Variants in CREB5 observed in about 807,000 individuals in gnomAD.
CREB5 encodes cyclic AMP-responsive element-binding protein 5.
CREB5 carries 19 observed loss-of-function variants against 57.1 expected under a neutral mutation model. That is an observed-to-expected ratio of 0.33 (90% CI 0.23 to 0.49). CREB5 has a LOEUF of 0.49. Among genes scored for constraint, CREB5 ranks in the 20% least tolerant of loss-of-function variants. The probability of loss-of-function intolerance (pLI) is 0.99; values close to 1 mark genes in which losing one functional copy is unlikely to be tolerated. For synonymous variants in CREB5, 238 were observed against 238.3 expected (o/e 1.00, Z 0.01); for missense variants, 579 against 671.6 (o/e 0.86, Z 1.52).
chr7:28,355,751 C>T (rs1349782005), intron 1 of CREB5, among the ~76,000 whole-genome samples: 2 of 152,138 alleles, frequency 1.3e-5, no homozygotes, highest in African/African-American at 2.4e-5. Flanking sequence ...GACTACCTGC[C>T]GCATTTTTAT....
At chr7:28,814,320 G>A (rs1189156754) in intron 9 of CREB5, among the ~76,000 whole-genome samples, 2 of 152,168 alleles carry the variant, frequency 1.3e-5, no homozygotes, top group Non-Finnish European at 2.9e-5. Flanking sequence ...TCTTTCTCTA[G>A]GATAGTGATT....
chr7:28,389,415 C>T (rs867365235), intron 1 of CREB5, among the ~76,000 whole-genome samples: 1 of 152,102 alleles, frequency 6.6e-6, no homozygotes, highest in African/African-American at 2.4e-5. Flanking sequence ...CACACTAATC[C>T]AGGGCTACTG....
intron 7 of CREB5, among the ~76,000 whole-genome samples, chr7:28,790,815 C>T (rs1238896114): frequency 2.6e-5 from 4 of 152,204 alleles, no homozygotes; most frequent in African/African-American, 9.7e-5. Flanking sequence ...TGATGCTGTT[C>T]GTATTAAGTC....
chr7:28,444,063 G>T (rs917544167), intron 1 of CREB5, among the ~76,000 whole-genome samples: 4 of 152,180 alleles, frequency 2.6e-5, no homozygotes, highest in African/African-American at 9.7e-5. Context: ...AATTAATTTG[G>T]TGTCTTTACA....
chr7:28,686,135 T>A, intron 5 of CREB5: 5 of 1,613,606 alleles, frequency 3.1e-6, no homozygotes, highest in Non-Finnish European at 4.2e-6. Flanking sequence ...CTACACACAC[T>A]CATTCCAGAG....
chr7:28,514,784 A>C (rs1367861216), intron 4 of CREB5, among the ~76,000 whole-genome samples: 1 of 152,198 alleles, frequency 6.6e-6, no homozygotes, highest in African/African-American at 2.4e-5. Context: ...GAACTGGCCC[A>C]AGGTTTTCAG....
intron 5 of CREB5, among the ~76,000 whole-genome samples, chr7:28,577,421 A>G (rs2128654050): frequency 6.6e-6 from 1 of 152,370 alleles, no homozygotes; most frequent in Non-Finnish European, 1.5e-5. Flanking sequence ...ATATGAAGTC[A>G]GAGACACTTG....
chr7:28,311,943 G>T (rs1785286834), intron 1 of CREB5, among the ~76,000 whole-genome samples: 1 of 152,166 alleles, frequency 6.6e-6, no homozygotes, highest in South Asian at 2.1e-4. Flanking sequence ...ACTTCTCAGA[G>T]GTTTGGGCTG....
At chr7:28,762,377 T>C (rs766164514) in intron 7 of CREB5, among the ~76,000 whole-genome samples, 2 of 152,206 alleles carry the variant, frequency 1.3e-5, no homozygotes, top group Admixed American at 6.5e-5. Flanking sequence ...ATATTGTGCT[T>C]GGTGGTTTGG....
At chr7:28,521,580 G>A (rs1793209783) in intron 4 of CREB5, among the ~76,000 whole-genome samples, 1 of 152,180 alleles carries the variant, frequency 6.6e-6, no homozygotes, top group African/African-American at 2.4e-5. Context: ...ATAATTGCAT[G>A]ATTTATTGTT....
rs370073723 is a variant in CREB5 at position 28,675,405 on chromosome 7, C to T, written c.465-43348C>T. ...GTCCTGGTGTTTCAGAGCCCACCTT[C>T]AGAACTTATGACTTTGGTTTTCCCT... On this transcript the variant is annotated intron_variant, in intron 5 of 10. Transcript: ENST00000357727. 8.5e-5 allele frequency among the ~76,000 whole-genome samples: 13 copies of T among 152,266 alleles called. 1 individual carries two copies. Among genetic ancestry groups the T allele is most frequent in the African/African-American group, 2.9e-4 (12 of 41,556 alleles).
intron 6 of CREB5, among the ~76,000 whole-genome samples, chr7:28,719,196 G>A (rs777847327): frequency 2.0e-5 from 3 of 152,236 alleles, no homozygotes; most frequent in Non-Finnish European, 4.4e-5. Flanking sequence ...AGTTTGGGCT[G>A]TATACAGAGT....
chr7:28,604,690 T>C (rs1797044534), intron 5 of CREB5, among the ~76,000 whole-genome samples: 1 of 151,916 alleles, frequency 6.6e-6, no homozygotes, highest in Non-Finnish European at 1.5e-5. Context: ...TTCTTCTTGA[T>C]GTATATCATG....
intron 1 of CREB5, among the ~76,000 whole-genome samples, chr7:28,301,311 A>G (rs1785095249): frequency 6.6e-6 from 1 of 152,208 alleles, no homozygotes; most frequent in African/African-American, 2.4e-5. Flanking sequence ...GTGTGGGAGC[A>G]AACTTTAGTG....
At chr7:28,364,666 C>T (rs1024870509) in intron 1 of CREB5, among the ~76,000 whole-genome samples, 40 of 152,180 alleles carry the variant, frequency 2.6e-4, no homozygotes, top group African/African-American at 8.7e-4. Flanking sequence ...TCAGGCTCCT[C>T]TCTGAACTGA....
chr7:28,437,770 T>A (rs1789019209), intron 1 of CREB5, among the ~76,000 whole-genome samples: 1 of 152,182 alleles, frequency 6.6e-6, no homozygotes. Context: ...ATGATCCAGT[T>A]AACTATAAAC....
intron 4 of CREB5, among the ~76,000 whole-genome samples, chr7:28,529,640 C>T (rs1003046346): frequency 2.0e-5 from 3 of 152,172 alleles, no homozygotes; most frequent in African/African-American, 7.2e-5. Context: ...CTCTCTTCTT[C>T]CCAACCTGAT....
intron 5 of CREB5, among the ~76,000 whole-genome samples, chr7:28,709,511 C>T (rs1476124731): frequency 1.3e-5 from 2 of 152,100 alleles, no homozygotes; most frequent in African/African-American, 4.8e-5. Flanking sequence ...GATCTCCCCT[C>T]CTATTACTGC....
At chr7:28,649,038 T>C (rs549519980) in intron 5 of CREB5, among the ~76,000 whole-genome samples, 2 of 152,262 alleles carry the variant, frequency 1.3e-5, no homozygotes, top group South Asian at 4.1e-4. Flanking sequence ...GGACTGGTTT[T>C]CGTAGGTGTG....
Sources: gnomAD v4.1 joint callset for allele counts (sites outside exome capture counted in the v4.1 genomes callset) on GRCh38, gnomAD v4.1.1 for gene constraint, MANE v1.5 for transcripts, NCBI Gene and HGNC (gene_info 2026-07-23, HGNC 2026-07-21) for gene names.